The following WDR64 variants were observed in gnomAD, a reference collection of about 807,000 sequenced individuals.
WDR64 encodes WD repeat-containing protein 64.
Under a neutral mutation model 139.3 loss-of-function variants are expected in WDR64, and 112 were observed. The observed-to-expected ratio is 0.80, with a 90% confidence interval of 0.69 to 0.94. The LOEUF is 0.94. WDR64 is among the 40% of genes least tolerant of loss of function. WDR64 has a pLI of 0.00. For synonymous variants in WDR64, 444 were observed against 437.7 expected (o/e 1.01, Z -0.18); for missense variants, 1,206 against 1,293.1 (o/e 0.93, Z 1.03).
At position 241,787,929 on chromosome 1, in the gene WDR64, T is replaced by A. The variant is rs764259188; in HGVS notation, c.2786T>A (p.Phe929Tyr). The change falls in exon 24 of 28, where the codon TTC (phenylalanine) becomes TAC (tyrosine). Residue 929 changes from phenylalanine to tyrosine, a missense_variant. By Grantham distance (22) the Phe-to-Tyr change is conservative. Transcript: ENST00000437684. The stretch of plus-strand genomic sequence containing the variant: ...TTTGAATTATCACAGACAAGAGATT[T>A]CATTTTGCCTTGTGATGTTACTGAA... ...RLFELSQTRD[F>Y]ILPCDVTEYP... The A allele has an allele frequency of 2.9e-5, 47 of 1,613,058 alleles. No homozygotes were observed. The highest frequency in any genetic ancestry group is 4.0e-5 in the Non-Finnish European group (47 of 1,179,642).
intron 14 of WDR64, among the ~76,000 whole-genome samples, chr1:241,753,129 T>A (rs569173362): frequency 3.9e-5 from 6 of 152,208 alleles, no homozygotes; most frequent in Non-Finnish European, 8.8e-5. Context: ...ATGGAAGGAC[T>A]TTTATCCATC....
At chr1:241,751,175 G>T (rs545740116) in intron 14 of WDR64, among the ~76,000 whole-genome samples, 2 of 152,264 alleles carry the variant, frequency 1.3e-5, no homozygotes, top group South Asian at 2.1e-4. Context: ...AGGGGGCAGT[G>T]ATCCACCTAC....
At chr1:241,705,542 T>TAAAA (rs1433451059) in intron 8 of WDR64, among the ~76,000 whole-genome samples, 35 of 66,416 alleles carry the variant, frequency 5.3e-4, no homozygotes, top group African/African-American at 1.4e-3. Flanking sequence ...ACTCTGTCTC[T>TAAAA]AAAAAAATAA....
At chr1:241,683,390 G>A in intron 6 of WDR64, 97 bp from the exon 7 acceptor site, 1 of 1,193,018 alleles carries the variant, frequency 8.4e-7, no homozygotes, top group Admixed American at 2.3e-5. Flanking sequence ...TCTACAATAA[G>A]AAACAGCGGA....
Position 241,652,841 on chromosome 1 carries a change from T to G in WDR64, c.145+212T>G, listed in dbSNP as rs537469270. Among the ~76,000 whole-genome samples, 400 of 152,202 alleles carry G rather than the reference T, an allele frequency of 2.6e-3. 1 individual carries two copies. The highest frequency in any genetic ancestry group is 9.3e-3 in the African/African-American group (387 of 41,484). ...TTGTTTTGTTTTTGTTTTTGTTTTT[T>G]TTTTTTACTTCTCTGAACCGAAGTT... On this transcript the variant is annotated intron_variant, in intron 1 of 27. Coordinates refer to ENST00000437684, the MANE Select transcript of WDR64 (RefSeq NM_001367482.1).
At chr1:241,797,443 A>C (rs969076006) in intron 27 of WDR64, among the ~76,000 whole-genome samples, 11 of 152,232 alleles carry the variant, frequency 7.2e-5, no homozygotes, top group Non-Finnish European at 1.2e-4. Context: ...AAGATATAGC[A>C]CATGGTAATT....
rs1413745137 is a variant in WDR64 at position 241,771,937 on chromosome 1, CATACATACATATATATAT to C, written c.2290+244_2290+261del. On this transcript the variant is annotated intron_variant, in intron 19 of 27. Transcript: ENST00000437684. ...ATACATATATACATACATATACATA[CATACATACATATATATAT>C]ATATATATATATATATATATATATA... 2.7e-3 allele frequency among the ~76,000 whole-genome samples: 152 copies of C among 56,524 alleles called. 1 individual carries two copies. The highest frequency in any genetic ancestry group is 7.9e-3 in the African/African-American group (135 of 17,102). 37.1% of individuals were successfully genotyped at this position (56,524 alleles called of 152,430 possible).
chr1:241,778,422 C>G (rs868331962), intron 21 of WDR64, among the ~76,000 whole-genome samples: 3 of 152,152 alleles, frequency 2.0e-5, no homozygotes, highest in Non-Finnish European at 4.4e-5. Context: ...ACACAACATA[C>G]AGTGGCTCAT....
intron 15 of WDR64, among the ~76,000 whole-genome samples, chr1:241,758,922 A>T (rs1461461779): frequency 1.3e-5 from 2 of 152,208 alleles, no homozygotes; most frequent in African/African-American, 4.8e-5. Context: ...AAGAAAAAAC[A>T]TTAAGAGAAA....
intron 10 of WDR64, among the ~76,000 whole-genome samples, chr1:241,728,461 A>C (rs1668939582): frequency 6.6e-6 from 1 of 152,236 alleles, no homozygotes. Flanking sequence ...CATATAAATT[A>C]GCTTTCATCA....
At chr1:241,770,502 T>C (rs1001873159) in intron 17 of WDR64, 119 bp from the exon 18 acceptor site, 2 of 814,672 alleles carry the variant, frequency 2.5e-6, no homozygotes, top group Non-Finnish European at 1.9e-6. Flanking sequence ...CCTGAGTGGC[T>C]CAGTATCCAC....
At chr1:241,755,302 G>C (rs1437598708) in intron 14 of WDR64, among the ~76,000 whole-genome samples, 1 of 152,170 alleles carries the variant, frequency 6.6e-6, no homozygotes, top group Non-Finnish European at 1.5e-5. Flanking sequence ...GTTTTGATTT[G>C]CATTTCTCTA....
chr1:241,752,661 G>C (rs927980026), intron 14 of WDR64, among the ~76,000 whole-genome samples: 11 of 152,116 alleles, frequency 7.2e-5, no homozygotes, highest in Admixed American at 2.0e-4. Context: ...ACCAGCCTGG[G>C]CAACATAGTG....
At chr1:241,744,596 G>A (rs1669682298) in intron 13 of WDR64, 80 bp downstream of exon 13, 2 of 1,571,734 alleles carry the variant, frequency 1.3e-6, no homozygotes, top group Non-Finnish European at 1.7e-6. Flanking sequence ...GTTCTTTAGG[G>A]TAGAAGGAGA....
chr1:241,678,259 C>T (rs995392497), intron 5 of WDR64, 43 bp downstream of exon 5: 1 of 398,774 alleles, frequency 2.5e-6, no homozygotes, highest in Non-Finnish European at 4.4e-6. Flanking sequence ...AAAGTTAGGG[C>T]TATGATGATG....
At chr1:241,785,389 G>C (rs1198117033) in intron 23 of WDR64, among the ~76,000 whole-genome samples, 1 of 152,150 alleles carries the variant, frequency 6.6e-6, no homozygotes, top group African/African-American at 2.4e-5. Context: ...CATGGTGAAA[G>C]AGGCAAACAA....
chr1:241,707,930 C>G (rs950037206), intron 8 of WDR64, among the ~76,000 whole-genome samples: 6 of 152,078 alleles, frequency 3.9e-5, no homozygotes, highest in Admixed American at 2.0e-4. Flanking sequence ...GTCTCCTGAC[C>G]TCACGTCCAC....
intron 22 of WDR64, among the ~76,000 whole-genome samples, chr1:241,782,326 G>C (rs1406183510): frequency 6.6e-6 from 1 of 152,116 alleles, no homozygotes; most frequent in East Asian, 1.9e-4. Context: ...ATTTTACTTT[G>C]GCTCTCTAAA....
rs892112487 is a variant in WDR64, at chr1:241,735,867, G to C, written c.1195-2496G>C. On this transcript the variant is annotated intron_variant, in intron 10 of 27. Coordinates refer to ENST00000437684, the MANE Select transcript of WDR64 (RefSeq NM_001367482.1). Reference sequence around the variant, plus strand: ...TCTCTCTCTCTCTCTGTGTGTGTGTGTGTGTGTGTGTGTGTGTGTGTGTCT... The same window carrying C: ...TCTCTCTCTCTCTCTGTGTGTGTGTCTGTGTGTGTGTGTGTGTGTGTGTCT... Among the ~76,000 whole-genome samples the C allele has an allele frequency of 6.0e-3, 652 of 108,236 alleles. 3 individuals carry two copies. Among genetic ancestry groups the C allele is most frequent in the African/African-American group, 0.025 (625 of 25,132 alleles). 71.0% of individuals were successfully genotyped at this position (108,236 alleles called of 152,430 possible). A position where few individuals can be genotyped will look rare whatever the true frequency, so the allele number is the denominator to read the frequency against.
Sources: gnomAD v4.1 joint callset for allele counts (sites outside exome capture counted in the v4.1 genomes callset) on GRCh38, gnomAD v4.1.1 for gene constraint, MANE v1.5 for transcripts, NCBI Gene and HGNC (gene_info 2026-07-23, HGNC 2026-07-21) for gene names.